Variants in ZNF517 observed in about 807,000 individuals in gnomAD.
The protein encoded by ZNF517 is zinc finger protein 517.
Under a neutral mutation model 12.1 loss-of-function variants are expected in ZNF517, and 12 were observed. The observed-to-expected ratio is 0.99, with a 90% CI of 0.63 to 1.61. ZNF517 has a LOEUF of 1.61. ZNF517 is among the 40% of genes most tolerant of loss of function. The probability of loss-of-function intolerance (pLI) is 0.00; values close to 1 mark genes in which losing one functional copy is unlikely to be tolerated. For synonymous variants in ZNF517, 388 were observed against 310.2 expected, an observed-to-expected ratio of 1.25 and a Z score of -2.63; for missense variants, 781 against 693.2, an observed-to-expected ratio of 1.13 and a Z score of -1.42.
intron 1 of ZNF517, chr8:144,800,392 T>C (rs1586758704): frequency 6.4e-6 from 5 of 782,198 alleles, no homozygotes; most frequent in Non-Finnish European, 6.2e-6. Flanking sequence ...CCTGAGGACA[T>C]GCACTCCCTA....
At chr8:144,801,798 G>A (rs1018593483) in intron 1 of ZNF517, among the ~76,000 whole-genome samples, 4 of 152,150 alleles carry the variant, frequency 2.6e-5, no homozygotes, top group Non-Finnish European at 5.9e-5. Flanking sequence ...TTGGGAGACC[G>A]AGGCAAGAGA....
Position 144,808,221 on chromosome 8 carries a change from G to A in ZNF517, c.1305G>A (p.Arg435=), listed in dbSNP as rs564366629. Residue 435 remains arginine, a synonymous_variant, in exon 5 of 5, where the codon AGG becomes AGA. Coordinates refer to ENST00000359971, the MANE Select transcript of ZNF517 (RefSeq NM_213605.3). ...CCGAGTGCGGCAAGGCGTTCCGCAG[G>A]AGCTACACGCTGAACGAGCACTACC... is the stretch of plus-strand genomic sequence containing the variant. The part of the protein sequence containing the change: ...ACTECGKAFR[R]SYTLNEHYRL... 7.8e-4 allele frequency: 1,250 copies of A among 1,606,108 alleles called. 30 individuals carry two copies. The South Asian group carries it at 0.013, about 17-fold the overall frequency.
At chr8:144,813,439 T>C (rs1274353804), downstream of ZNF517, among the ~76,000 whole-genome samples, 1 of 151,934 alleles carries the variant, frequency 6.6e-6, no homozygotes, top group Non-Finnish European at 1.5e-5. Context: ...TGTTCATGGA[T>C]TGGAATAATT....
In ZNF517 at chr8:144,807,291, G is replaced by T. The variant is rs753772260; in HGVS notation, c.375G>T (p.Gly125=). 6.4e-7 allele frequency: 1 copy of T among 1,552,072 alleles called. No homozygotes were observed. The highest frequency in any genetic ancestry group is 8.7e-7 in the Non-Finnish European group (1 of 1,149,906). The change falls in exon 5 of 5, where the codon GGG becomes GGT. Residue 125 remains glycine (G), a synonymous_variant. Coordinates refer to ENST00000359971, the MANE Select transcript of ZNF517 (RefSeq NM_213605.3). The part of the protein sequence containing the change: ...PGTVWGCLPW[G]HPVGGHPAPP... Reference sequence around the variant, plus strand: ...CCGTGTGGGGGTGCCTCCCCTGGGGGCACCCTGTGGGGGGGCACCCTGCAC... The same window carrying T: ...CCGTGTGGGGGTGCCTCCCCTGGGGTCACCCTGTGGGGGGGCACCCTGCAC...
chr8:144,810,296 T>C (rs1338513822), downstream of ZNF517: 1 of 581,126 alleles, frequency 1.7e-6, no homozygotes, highest in Non-Finnish European at 3.2e-6. Flanking sequence ...ACCTGCCCAC[T>C]GGTGTGTCAA....
Position 144,803,730 on chromosome 8 carries a change from C to G in ZNF517, c.123C>G (p.Asp41Glu), listed in dbSNP as rs546242054. ...LAPDQQALYRDVMLENYGNLA... is the reference protein window; with the variant it reads ...LAPDQQALYREVMLENYGNLA... ...CCGACCAGCAGGCACTCTACAGGGACGTGATGCTGGAGAACTATGGGAACC... is the reference window on the plus strand; with the variant it reads ...CCGACCAGCAGGCACTCTACAGGGAGGTGATGCTGGAGAACTATGGGAACC... The change falls in exon 3 of 5, where the codon GAC (aspartate) becomes GAG (glutamate). Residue 41 changes from aspartate to glutamate, a missense_variant. Coordinates refer to ENST00000359971, the MANE Select transcript of ZNF517 (RefSeq NM_213605.3). The G allele has an allele frequency of 1.2e-6, 2 of 1,614,160 alleles. No individual in the cohort carries two copies. The highest frequency in any genetic ancestry group is 8.5e-7 in the Non-Finnish European group (1 of 1,180,000).
Position 144,809,605 on chromosome 8 carries a change from C to G in ZNF517, c.*1210C>G, listed in dbSNP as rs977528912. 6.6e-6 allele frequency: 1 copy of G among 152,332 alleles called. No individual in the cohort carries two copies. The highest frequency in any genetic ancestry group is 2.4e-5 in the African/African-American group (1 of 41,470). The allele number at this position is 152,332 out of a possible 1,614,324, so 9.4% of individuals were successfully genotyped here. ...CCCAGGGCTCTCGGCCAGTCAGCCT[C>G]AGAATGAGAGTTACACCACTGGCTT... On this transcript the variant is annotated 3_prime_UTR_variant, in exon 5 of 5. Transcript: ENST00000359971.
chr8:144,799,001 T>G (rs1267019725), intron 1 of ZNF517, 64 bp downstream of exon 1: 1 of 152,072 alleles, frequency 6.6e-6, no homozygotes, highest in Non-Finnish European at 1.5e-5. Flanking sequence ...CCCGGCCTGG[T>G]GGAGGCTGTA....
At position 144,798,942 on chromosome 8, in the gene ZNF517, G is replaced by C. The variant is rs1293078571; in HGVS notation, c.-46+5G>C. 6.6e-6 allele frequency: 1 copy of C among 152,082 alleles called. No individual in the cohort carries two copies. The highest frequency in any genetic ancestry group is 2.4e-5 in the African/African-American group (1 of 41,430). 9.4% of individuals were successfully genotyped at this position (152,082 alleles called of 1,614,324 possible). The stretch of plus-strand genomic sequence containing the variant: ...GCGCTGTCTCGGCGGCCCAGGGTGA[G>C]TCGGCCGCGGCCGCGGGGCGGGGAC... On this transcript the variant is annotated splice_donor_5th_base_variant and intron_variant, in intron 1 of 4. Coordinates refer to ENST00000359971, the MANE Select transcript of ZNF517 (RefSeq NM_213605.3).
Position 144,807,317 on chromosome 8 carries a change from C to T in ZNF517, c.401C>T (p.Pro134Leu). Residue 134 changes from proline (P) to leucine (L), a missense_variant, in exon 5 of 5, where the codon CCA (proline) becomes CTA (leucine). By Grantham distance (98) the Pro-to-Leu change is moderately conservative. Coordinates refer to ENST00000359971, the MANE Select transcript of ZNF517 (RefSeq NM_213605.3). Reference protein sequence around the residue: ...WGHPVGGHPAPPHPHGGPEDG... With the variant: ...WGHPVGGHPALPHPHGGPEDG... Reference sequence around the variant, plus strand: ...CACCCTGTGGGGGGGCACCCTGCACCACCCCACCCGCATGGCGGTCCTGAG... The same window carrying T: ...CACCCTGTGGGGGGGCACCCTGCACTACCCCACCCGCATGGCGGTCCTGAG... 6.4e-7 allele frequency: 1 copy of T among 1,552,850 alleles called. No individual in the cohort carries two copies. The highest frequency in any genetic ancestry group is 8.7e-7 in the Non-Finnish European group (1 of 1,148,104).
In ZNF517 at chr8:144,809,632, C is replaced by T. The variant is rs924720147; in HGVS notation, c.*1237C>T. On this transcript the variant is annotated 3_prime_UTR_variant, in exon 5 of 5. Coordinates refer to ENST00000359971, the MANE Select transcript of ZNF517 (RefSeq NM_213605.3). ...GAATGAGAGTTACACCACTGGCTTC[C>T]TTGGTTCAACCACCTTCTTACCTGG... The T allele has an allele frequency of 6.6e-6, 1 of 152,424 alleles. No individual in the cohort carries two copies. Among genetic ancestry groups the T allele is most frequent in the African/African-American group, 2.4e-5 (1 of 41,464 alleles). 9.4% of individuals were successfully genotyped at this position (152,424 alleles called of 1,614,324 possible). A position where few individuals can be genotyped will look rare whatever the true frequency, so the allele number is the denominator to read the frequency against.
intron 1 of ZNF517, among the ~76,000 whole-genome samples, chr8:144,799,448 A>T (rs905732701): frequency 6.6e-6 from 1 of 151,508 alleles, no homozygotes; most frequent in African/African-American, 2.4e-5. Flanking sequence ...GGTGCTGGGG[A>T]CCCCGCAGTG....
downstream of ZNF517, among the ~76,000 whole-genome samples, chr8:144,811,678 G>A (rs1325930422): frequency 1.5e-5 from 2 of 136,638 alleles, no homozygotes; most frequent in African/African-American, 5.9e-5. Flanking sequence ...GACACCGACA[G>A]TAAAGCTCAG....
chr8:144,807,997 C>A lies in ZNF517; in HGVS notation c.1081C>A (p.Pro361Thr). ...QGALLGAAQR[P>T]QAGDPPHECP... is the part of the protein sequence containing the mutation. ...CGCCCTGCTCGGAGCTGCGCAGAGG[C>A]CCCAGGCGGGGGACCCGCCCCACGA... is the stretch of plus-strand genomic sequence containing the variant. Residue 361 changes from proline to threonine, a missense_variant, in exon 5 of 5, where the codon CCC becomes ACC. Pro to Thr is a conservative substitution (Grantham distance 38). Coordinates refer to ENST00000359971, the MANE Select transcript of ZNF517 (RefSeq NM_213605.3). The A allele has an allele frequency of 6.4e-7, 1 of 1,558,264 alleles. No homozygotes were observed. Among genetic ancestry groups the A allele is most frequent in the South Asian group, 1.2e-5 (1 of 83,606 alleles).
In ZNF517 at chr8:144,803,726, G is replaced by C. The variant is rs769754996; in HGVS notation, c.119G>C (p.Arg40Thr). 3 of 1,614,198 alleles carry C rather than the reference G, an allele frequency of 1.9e-6. No individual in the cohort carries two copies. In the South Asian group the frequency reaches 3.3e-5, roughly 18 times the overall value. The change falls in exon 3 of 5, where the codon AGG becomes ACG. Residue 40 changes from arginine to threonine, a missense_variant. Arg to Thr is a moderately conservative substitution (Grantham distance 71). Coordinates refer to ENST00000359971, the MANE Select transcript of ZNF517 (RefSeq NM_213605.3). Reference protein sequence around the residue: ...CLAPDQQALYRDVMLENYGNL... With the variant: ...CLAPDQQALYTDVMLENYGNL... The stretch of plus-strand genomic sequence containing the variant: ...GCCCCCGACCAGCAGGCACTCTACA[G>C]GGACGTGATGCTGGAGAACTATGGG...
At chr8:144,803,212 C>A in intron 2 of ZNF517, 1 of 533,712 alleles carries the variant, frequency 1.9e-6, no homozygotes, top group South Asian at 2.5e-5. Flanking sequence ...GGCAGGGTCC[C>A]TGTCCTTCCC....
At position 144,800,566 on chromosome 8, in the gene ZNF517, T is replaced by TG. The variant is rs925800677; in HGVS notation, c.-46+1633dup. The TG allele has an allele frequency of 6.1e-6, 6 of 985,256 alleles. No individual in the cohort carries two copies. In the African/African-American group the frequency reaches 7.0e-5, roughly 11 times the overall value. 61.0% of individuals were successfully genotyped at this position (985,256 alleles called of 1,614,324 possible). On this transcript the variant is annotated intron_variant, in intron 1 of 4. Transcript: ENST00000359971. Reference sequence around the variant, plus strand: ...CCCTGAGATACTCTGGTTGCCTTGTTGGGGTGAGGACAACACGTGTGGCCA... The same window carrying TG: ...CCCTGAGATACTCTGGTTGCCTTGTTGGGGGTGAGGACAACACGTGTGGCCA...
chr8:144,808,470 A>T lies in ZNF517; in HGVS notation c.*75A>T. On this transcript the variant is annotated 3_prime_UTR_variant, in exon 5 of 5. Coordinates refer to ENST00000359971, the MANE Select transcript of ZNF517 (RefSeq NM_213605.3). ...GCGGGGCCCTAGCGCAGAAATTCAG[A>T]ACCCCCTGTCCTGAAGGTGAAGCAA... 1.4e-6 allele frequency: 2 copies of T among 1,412,560 alleles called. No individual in the cohort carries two copies. Among genetic ancestry groups the T allele is most frequent in the Non-Finnish European group, 1.8e-6 (2 of 1,082,976 alleles). The allele number at this position is 1,412,560 out of a possible 1,614,324, so 87.5% of individuals were successfully genotyped here.
Position 144,808,607 on chromosome 8 carries a change from C to G in ZNF517, c.*212C>G, listed in dbSNP as rs769599035. On this transcript the variant is annotated 3_prime_UTR_variant, in exon 5 of 5. Transcript: ENST00000359971. ...GTGGTGTGGCCTCAGGAACCACTAT[C>G]AGCCACCATTTCCTGGGGCCTTCCG... 191 of 572,324 alleles carry G rather than the reference C, an allele frequency of 3.3e-4. No individual in the cohort carries two copies. Among genetic ancestry groups the G allele is most frequent in the Non-Finnish European group, 4.8e-4 (180 of 375,240 alleles). The allele number at this position is 572,324 out of a possible 1,614,324, so 35.5% of individuals were successfully genotyped here.
Sources: gnomAD v4.1 joint callset for allele counts (sites outside exome capture counted in the v4.1 genomes callset) on GRCh38, gnomAD v4.1.1 for gene constraint, MANE v1.5 for transcripts, NCBI Gene and HGNC (gene_info 2026-07-23, HGNC 2026-07-21) for gene names.